MDGA2: variants seen among roughly 807,000 people sequenced by gnomAD.
MDGA2 encodes the protein MAM domain containing glycosylphosphatidylinositol anchor 2, also known as MAM domain-containing glycosylphosphatidylinositol anchor protein 2.
Under a neutral mutation model 117.8 loss-of-function variants are expected in MDGA2, and 40 were observed. The observed-to-expected ratio is 0.34, with a 90% CI of 0.26 to 0.44. The LOEUF is 0.44. Among genes scored for constraint, MDGA2 ranks in the 20% least tolerant of loss-of-function variants. MDGA2 has a pLI of 1.00. For synonymous variants in MDGA2, 452 were observed against 439.0 expected (o/e 1.03, Z -0.37); for missense variants, 1,123 against 1,250.6 (o/e 0.90, Z 1.54).
intron 1 of MDGA2, among the ~76,000 whole-genome samples, chr14:47,612,029 T>A (rs1896857163): frequency 1.3e-5 from 2 of 152,118 alleles, no homozygotes; most frequent in Admixed American, 6.6e-5. Context: ...AAAAATTATT[T>A]GGGACTCAAA....
At chr14:47,533,276 C>A (rs17758502) in intron 1 of MDGA2, among the ~76,000 whole-genome samples, 3 of 152,008 alleles carry the variant, frequency 2.0e-5, no homozygotes, top group African/African-American at 2.4e-5. Flanking sequence ...CTGAGACATG[C>A]GCCAATTAGA....
intron 6 of MDGA2, among the ~76,000 whole-genome samples, chr14:47,065,042 C>G (rs1890031723): frequency 6.6e-6 from 1 of 152,036 alleles, no homozygotes; most frequent in African/African-American, 2.4e-5. Context: ...CTAACACCAG[C>G]CTGAGAGAAC....
chr14:46,954,825 T>G (rs1885502852), intron 9 of MDGA2, among the ~76,000 whole-genome samples: 1 of 151,680 alleles, frequency 6.6e-6, no homozygotes, highest in Non-Finnish European at 1.5e-5. Context: ...ATATATGATT[T>G]ATTTTCAACT....
intron 1 of MDGA2, among the ~76,000 whole-genome samples, chr14:47,550,399 A>C (rs1566510482): frequency 6.6e-6 from 1 of 152,178 alleles, no homozygotes; most frequent in Non-Finnish European, 1.5e-5. Context: ...CCACTTCAAT[A>C]TGTTAATATT....
At chr14:47,127,275 T>C (rs146533908) in intron 5 of MDGA2, among the ~76,000 whole-genome samples, 2 of 152,262 alleles carry the variant, frequency 1.3e-5, no homozygotes, top group African/African-American at 4.8e-5. Context: ...TGGTAACTTA[T>C]GTTCCTCTTC....
At chr14:46,916,543 A>G (rs1883906189) in intron 10 of MDGA2, among the ~76,000 whole-genome samples, 1 of 152,134 alleles carries the variant, frequency 6.6e-6, no homozygotes, top group Admixed American at 6.5e-5. Flanking sequence ...TACCATCCTA[A>G]ACTTTTGTTT....
At chr14:47,485,472 A>T (rs151248804) in intron 1 of MDGA2, among the ~76,000 whole-genome samples, 1 of 152,308 alleles carries the variant, frequency 6.6e-6, no homozygotes, top group African/African-American at 2.4e-5. Flanking sequence ...CTAACAATGC[A>T]ATAGGAAAGA....
chr14:47,510,258 C>A (rs909423302), intron 1 of MDGA2, among the ~76,000 whole-genome samples: 5 of 152,048 alleles, frequency 3.3e-5, no homozygotes, highest in African/African-American at 1.2e-4. Context: ...TCACCAGAAA[C>A]CATATTAAAA....
At chr14:47,073,825 T>G (rs1376711439) in intron 6 of MDGA2, among the ~76,000 whole-genome samples, 1 of 152,172 alleles carries the variant, frequency 6.6e-6, no homozygotes, top group Non-Finnish European at 1.5e-5. Context: ...TAGCTTAGCT[T>G]TCAATCACTC....
intron 1 of MDGA2, among the ~76,000 whole-genome samples, chr14:47,660,324 T>C (rs1295752672): frequency 6.6e-6 from 1 of 152,236 alleles, no homozygotes; most frequent in African/African-American, 2.4e-5. Flanking sequence ...TGGTTTCCTA[T>C]TGAAGCAGTT....
intron 8 of MDGA2, among the ~76,000 whole-genome samples, chr14:47,000,377 TTATATATA>T (rs1162156512): frequency 3.0e-5 from 3 of 100,010 alleles, no homozygotes; most frequent in Non-Finnish European, 6.5e-5. Flanking sequence ...ATATATATAT[TTATATATA>T]TATATTTATA....
chr14:47,067,439 G>A (rs984006989), intron 6 of MDGA2, among the ~76,000 whole-genome samples: 4 of 152,122 alleles, frequency 2.6e-5, no homozygotes, highest in Admixed American at 2.0e-4. Context: ...TCAGCAAGGT[G>A]TGACTCTCTA....
In MDGA2 at chr14:47,357,792, G is replaced by A. The variant is rs113252419; in HGVS notation, c.281-56242C>T. 9.6e-3 allele frequency among the ~76,000 whole-genome samples: 1,456 copies of A among 152,098 alleles called. 18 individuals are homozygous for A. The highest frequency in any genetic ancestry group is 0.032 in the African/African-American group (1,336 of 41,458). On this transcript the variant is annotated intron_variant, in intron 1 of 16. Transcript: ENST00000399232. ...TAGCTTGTATTACAACAAAAATATCGGCCCCTTTGAACAACTCCAGGTGAC... is the reference window on the plus strand; with the variant it reads ...TAGCTTGTATTACAACAAAAATATCAGCCCCTTTGAACAACTCCAGGTGAC...
intron 5 of MDGA2, among the ~76,000 whole-genome samples, chr14:47,105,590 A>G (rs1245638808): frequency 6.6e-6 from 1 of 152,064 alleles, no homozygotes; most frequent in Non-Finnish European, 1.5e-5. Flanking sequence ...CCAAATAGCC[A>G]GAAAATGGCA....
At chr14:46,882,336 T>C in intron 10 of MDGA2, 115 bp from the exon 11 acceptor site, 1 of 800,274 alleles carries the variant, frequency 1.2e-6, no homozygotes, top group Admixed American at 3.3e-5. Flanking sequence ...TATTAATGAA[T>C]ACGTATTATT....
At chr14:47,193,129 T>G (rs1487947482) in intron 3 of MDGA2, among the ~76,000 whole-genome samples, 2 of 152,180 alleles carry the variant, frequency 1.3e-5, no homozygotes, top group African/African-American at 4.8e-5. Context: ...CTTGGAAAAC[T>G]TTCTCAGTCC....
chr14:47,451,968 G>A (rs974715361), intron 1 of MDGA2, among the ~76,000 whole-genome samples: 5 of 152,026 alleles, frequency 3.3e-5, no homozygotes, highest in African/African-American at 1.2e-4. Flanking sequence ...TAACTTCTTT[G>A]GGTACATTTT....
At chr14:47,116,130 TA>T (rs1266429228) in intron 5 of MDGA2, among the ~76,000 whole-genome samples, 2 of 151,948 alleles carry the variant, frequency 1.3e-5, no homozygotes, top group African/African-American at 4.8e-5. Flanking sequence ...ACAAGTTATC[TA>T]AAAAGAAAAT....
intron 5 of MDGA2, among the ~76,000 whole-genome samples, chr14:47,124,323 T>C (rs1881794391): frequency 6.6e-6 from 1 of 152,120 alleles, no homozygotes; most frequent in Non-Finnish European, 1.5e-5. Context: ...ACAGGAGTGA[T>C]ATCTGTCTCT....
Sources: gnomAD v4.1 joint callset for allele counts (sites outside exome capture counted in the v4.1 genomes callset) on GRCh38, gnomAD v4.1.1 for gene constraint, MANE v1.5 for transcripts, NCBI Gene and HGNC (gene_info 2026-07-23, HGNC 2026-07-21) for gene names.